EXOSC1: variants seen among roughly 807,000 people sequenced by gnomAD.
EXOSC1 encodes exosome component 1.
EXOSC1 carries 27 observed loss-of-function variants against 31.4 expected under a neutral mutation model. The ratio of observed to expected loss-of-function variants is 0.86; its 90% confidence interval spans 0.63 to 1.18. EXOSC1 has a LOEUF of 1.18. Among genes scored for constraint, EXOSC1 ranks in the 50% most tolerant of loss-of-function variants. The pLI is 0.00. For missense variants in EXOSC1, 228 were observed against 250.3 expected (o/e 0.91, Z 0.60); for synonymous variants, 84 against 89.5 (o/e 0.94, Z 0.35).
At chr10:97,439,864 G>A (rs1345250044) in intron 4 of EXOSC1, among the ~76,000 whole-genome samples, 3 of 151,988 alleles carry the variant, frequency 2.0e-5, no homozygotes, top group East Asian at 1.9e-4. Context: ...CCTTTCTCAA[G>A]GAAGCCACAC....
intron 4 of EXOSC1, among the ~76,000 whole-genome samples, chr10:97,439,711 TG>T (rs1215549722): frequency 6.6e-6 from 1 of 152,120 alleles, no homozygotes; most frequent in Non-Finnish European, 1.5e-5. Context: ...ACCCCCTCCA[TG>T]GTCTGTGGAA....
rs369425939 is a variant in EXOSC1 at position 97,440,560 on chromosome 10, C to CCAGG, written c.311+607_311+610dup. On this transcript the variant is annotated intron_variant, in intron 4 of 7. Transcript: ENST00000370902. The stretch of plus-strand genomic sequence containing the variant: ...TAAAGACAGAGTCTCGCTCTGTCCC[C>CCAGG]CAGGCTGGAGTGCAATGGCGCAATC... 1.1e-3 allele frequency among the ~76,000 whole-genome samples: 167 copies of CCAGG among 151,750 alleles called. 1 individual carries two copies. Among genetic ancestry groups the CCAGG allele is most frequent in the African/African-American group, 3.8e-3 (159 of 41,366 alleles).
chr10:97,437,675 G>T lies in EXOSC1; in HGVS notation c.396+25C>A, dbSNP rs757765533. The T allele has an allele frequency of 2.5e-6, 4 of 1,610,402 alleles. No individual in the cohort carries two copies. The Admixed American group carries it at 6.7e-5, about 27-fold the overall frequency. ...CTTCTCTTCTTTTGACAAAGGACCA[G>T]AAGTCTGCTGGGAATAAAGGATACC... On this transcript the variant is annotated intron_variant, in intron 6 of 7. Coordinates refer to ENST00000370902, the MANE Select transcript of EXOSC1 (RefSeq NM_016046.5).
At chr10:97,437,472 C>G (rs868589966) in intron 6 of EXOSC1, among the ~76,000 whole-genome samples, 197 bp from the exon 7 acceptor site, 1 of 151,876 alleles carries the variant, frequency 6.6e-6, no homozygotes, top group Non-Finnish European at 1.5e-5. Context: ...CTCAGCTTCC[C>G]GAATAGCTGG....
chr10:97,439,575 A>T (rs985063965), intron 4 of EXOSC1, among the ~76,000 whole-genome samples: 14 of 152,208 alleles, frequency 9.2e-5, no homozygotes, highest in African/African-American at 3.4e-4. Context: ...CAGGGAAACA[A>T]ACTCAGGGCT....
At position 97,437,229 on chromosome 10, in the gene EXOSC1, T is replaced by A. The variant is rs35614097; in HGVS notation, c.443A>T (p.Glu148Val). 5 of 1,614,032 alleles carry A rather than the reference T, an allele frequency of 3.1e-6. No individual in the cohort carries two copies. The highest frequency in any genetic ancestry group is 3.3e-5 in the Admixed American group (2 of 59,992). Residue 148 changes from glutamate to valine, a missense_variant, in exon 7 of 8, where the codon GAG becomes GTG. Glu to Val is a moderately radical substitution (Grantham distance 121). Coordinates refer to ENST00000370902, the MANE Select transcript of EXOSC1 (RefSeq NM_016046.5). Reference sequence around the variant, plus strand: ...GGCTACCACCACTCCCAGCTCGTTCTCGGCGGTGGTTAGCAGGTAGTTGGA... The same window carrying A: ...GGCTACCACCACTCCCAGCTCGTTCACGGCGGTGGTTAGCAGGTAGTTGGA... ...AQSNYLLTTA[E>V]NELGVVVAHS...
intron 3 of EXOSC1, 33 bp from the exon 4 acceptor site, chr10:97,441,292 A>C (rs370001682): frequency 8.8e-6 from 14 of 1,595,906 alleles, no homozygotes; most frequent in Non-Finnish European, 1.2e-5. Flanking sequence ...GCATCAGAGT[A>C]TAAGCAGTTG....
At chr10:97,443,453 C>CTT in intron 2 of EXOSC1, 142 bp from the exon 3 acceptor site, 1 of 699,224 alleles carries the variant, frequency 1.4e-6, no homozygotes, top group Non-Finnish European at 2.4e-6. Context: ...GAGCAGAAGG[C>CTT]CTTAGAAATT....
intron 1 of EXOSC1, 27 bp from the exon 2 acceptor site, chr10:97,445,874 C>T: frequency 1.2e-6 from 2 of 1,613,448 alleles, no homozygotes; most frequent in South Asian, 1.1e-5. Flanking sequence ...GCATCGGTCA[C>T]GGGCCCCCAG....
chr10:97,442,770 T>C (rs1433846269), intron 3 of EXOSC1, among the ~76,000 whole-genome samples: 1 of 152,258 alleles, frequency 6.6e-6, no homozygotes, highest in East Asian at 1.9e-4. Flanking sequence ...AACCTCCACC[T>C]CCTGGGTTCA....
intron 6 of EXOSC1, 151 bp downstream of exon 6, chr10:97,437,549 T>G: frequency 1.4e-6 from 1 of 716,768 alleles, no homozygotes; most frequent in African/African-American, 1.8e-5. Flanking sequence ...GGTTTCACCA[T>G]GTTGTCCAGG....
intron 7 of EXOSC1, 141 bp downstream of exon 7, chr10:97,437,050 A>G (rs1475905045): frequency 1.2e-6 from 1 of 825,058 alleles, no homozygotes; most frequent in Non-Finnish European, 2.0e-6. Flanking sequence ...AGCAAAAAAG[A>G]AAAAAATAAT....
Position 97,437,031 on chromosome 10 carries a change from C to G in EXOSC1, c.481+160G>C, listed in dbSNP as rs577155959. ...ACCCTGTCTCAAACAACCACCACCA[C>G]CAGCACCAAGCAAAAAAGAAAAAAA... On this transcript the variant is annotated intron_variant, in intron 7 of 7. Coordinates refer to ENST00000370902, the MANE Select transcript of EXOSC1 (RefSeq NM_016046.5). 5.9e-5 allele frequency among the ~76,000 whole-genome samples: 9 copies of G among 152,156 alleles called. No individual in the cohort carries two copies. In the South Asian group the frequency reaches 1.9e-3, roughly 32 times the overall value.
chr10:97,445,921 T>C lies in EXOSC1; in HGVS notation c.31+34A>G, dbSNP rs749519216. ...CGTTTAGCCTTCTTGCTTCAGCCCC[T>C]ATCCAGGACTCTGTACGGGAAGCGC... On this transcript the variant is annotated intron_variant, in intron 1 of 7. Transcript: ENST00000370902. 6.8e-6 allele frequency: 11 copies of C among 1,613,774 alleles called. No homozygotes were observed. In the Admixed American group the frequency reaches 1.7e-4, roughly 24 times the overall value.
Position 97,436,480 on chromosome 10 carries a change from C to CT in EXOSC1, c.552dup (p.Val185SerfsTer23). 1 of 1,613,536 alleles carries CT rather than the reference C, an allele frequency of 6.2e-7. No individual in the cohort carries two copies. The highest frequency in any genetic ancestry group is 8.5e-7 in the Non-Finnish European group (1 of 1,179,784). On this transcript the variant is annotated frameshift_variant, in exon 8 of 8. Coordinates refer to ENST00000370902, the MANE Select transcript of EXOSC1 (RefSeq NM_016046.5). LOFTEE classifies it high-confidence loss of function. Reference sequence around the variant, plus strand: ...AAGAATTCGGGTTGTACTCGGGCTACTTTCCGGAATTCTTTAGTGTGGGTC... The same window carrying CT: ...AAGAATTCGGGTTGTACTCGGGCTACTTTTCCGGAATTCTTTAGTGTGGGTC...
intron 7 of EXOSC1, 60 bp downstream of exon 7, chr10:97,437,131 G>T: frequency 1.4e-6 from 2 of 1,429,426 alleles, no homozygotes; most frequent in East Asian, 4.6e-5. Context: ...GAAAAACAAT[G>T]GATTTATCCC....
At chr10:97,438,171 C>A (rs182257312) in intron 5 of EXOSC1, among the ~76,000 whole-genome samples, 4 of 152,208 alleles carry the variant, frequency 2.6e-5, no homozygotes, top group Admixed American at 2.6e-4. Flanking sequence ...CCCACCTTGG[C>A]CTCCCAAAGA....
chr10:97,442,973 G>A (rs1399457032), intron 3 of EXOSC1, among the ~76,000 whole-genome samples: 11 of 152,158 alleles, frequency 7.2e-5, no homozygotes, highest in African/African-American at 2.7e-4. Flanking sequence ...TTACAAGCAT[G>A]AGCCACCATG....
rs1845529320 is a variant in EXOSC1 at position 97,436,219 on chromosome 10, A to G, written c.*226T>C. ...TGTCAGGAGGGATAGGCTATTTCCA[A>G]TATCACAGTTTTGTTTGTTGGTGCC... On this transcript the variant is annotated 3_prime_UTR_variant, in exon 8 of 8. Transcript: ENST00000370902. 2.3e-6 allele frequency: 1 copy of G among 435,368 alleles called. No individual in the cohort carries two copies. The highest frequency in any genetic ancestry group is 2.1e-5 in the African/African-American group (1 of 47,874). The allele number at this position is 435,368 out of a possible 1,614,324, so 27.0% of individuals were successfully genotyped here.
Sources: allele counts gnomAD v4.1 joint callset (sites outside exome capture counted in the v4.1 genomes callset), GRCh38; gene constraint gnomAD v4.1.1; transcripts MANE v1.5; gene names NCBI Gene and HGNC (gene_info 2026-07-23, HGNC 2026-07-21).